Variants in ITGB6 observed in about 807,000 individuals in gnomAD.
ITGB6 encodes the protein integrin subunit beta 6, also known as integrin beta-6.
A neutral mutation model predicts 84.5 loss-of-function variants in ITGB6; 80 were observed. The observed-to-expected ratio is 0.95, with a 90% CI of 0.79 to 1.14. The LOEUF (loss-of-function observed/expected upper bound fraction) is 1.14, where lower values mean the gene tolerates loss of function less well. Among genes scored for constraint, ITGB6 ranks in the 50% most tolerant of loss-of-function variants. The probability of loss-of-function intolerance (pLI) is 0.00; values close to 1 mark genes in which losing one functional copy is unlikely to be tolerated. For synonymous variants in ITGB6, 383 were observed against 354.9 expected (o/e 1.08, Z -0.89); for missense variants, 1,006 against 968.0 (o/e 1.04, Z -0.52).
chr2:160,126,296 G>A (rs1301217003), intron 11 of ITGB6, 83 bp downstream of exon 11: 1 of 1,266,228 alleles, frequency 7.9e-7, no homozygotes, highest in Non-Finnish European at 1.1e-6. Context: ...TACAATCTGA[G>A]GTCTGAGTTT....
At chr2:160,109,259 A>G (rs1436239836) in intron 13 of ITGB6, among the ~76,000 whole-genome samples, 4 of 152,222 alleles carry the variant, frequency 2.6e-5, no homozygotes, top group Non-Finnish European at 5.9e-5. Context: ...AGCTAATGAC[A>G]TAGCTATTAC....
intron 7 of ITGB6, among the ~76,000 whole-genome samples, chr2:160,152,015 G>C (rs13407802): frequency 0.1 from 15,938 of 152,102 alleles, 1,448 homozygotes; most frequent in East Asian, 0.29. Context: ...TTCTAACAGA[G>C]ATACAAGGAG....
chr2:160,160,150 G>A (rs1684764396), intron 7 of ITGB6, among the ~76,000 whole-genome samples: 1 of 152,190 alleles, frequency 6.6e-6, no homozygotes, highest in East Asian at 1.9e-4. Context: ...TACAATGAGA[G>A]TTGAATAATC....
At chr2:160,158,168 A>G (rs1434068898) in intron 7 of ITGB6, among the ~76,000 whole-genome samples, 1 of 152,214 alleles carries the variant, frequency 6.6e-6, no homozygotes, top group Non-Finnish European at 1.5e-5. Flanking sequence ...ATAGGCAGGC[A>G]GGTAGTGATG....
At chr2:160,118,056 T>A (rs1424859432) in intron 12 of ITGB6, among the ~76,000 whole-genome samples, 1 of 152,206 alleles carries the variant, frequency 6.6e-6, no homozygotes, top group East Asian at 1.9e-4. Context: ...CAGGACCAGA[T>A]GGATTCACAG....
intron 10 of ITGB6, among the ~76,000 whole-genome samples, chr2:160,134,793 A>C (rs1683635348): frequency 6.6e-6 from 1 of 152,256 alleles, no homozygotes; most frequent in Non-Finnish European, 1.5e-5. Flanking sequence ...AAACAGAACC[A>C]ATGGCAAAAC....
At position 160,126,264 on chromosome 2, in the gene ITGB6, G is replaced by A. The variant is rs1318730733; in HGVS notation, c.1883+115C>T. ...TGGGTTTGTGTGTGTTTTGATGGAT[G>A]TTTGGAGACCAAACCAGCAAATACA... On this transcript the variant is annotated intron_variant, in intron 11 of 14. Transcript: ENST00000283249. 4.4e-6 allele frequency: 4 copies of A among 915,716 alleles called. No homozygotes were observed. The East Asian group carries it at 1.0e-4, about 24-fold the overall frequency. 56.7% of individuals were successfully genotyped at this position (915,716 alleles called of 1,614,324 possible). A position where few individuals can be genotyped will look rare whatever the true frequency, so the allele number is the denominator to read the frequency against.
At chr2:160,103,266 C>T (rs547646514) in intron 14 of ITGB6, among the ~76,000 whole-genome samples, 2 of 152,304 alleles carry the variant, frequency 1.3e-5, no homozygotes, top group South Asian at 4.1e-4. Flanking sequence ...AAACACTCCC[C>T]GGTCTTTCCC....
At chr2:160,119,622 T>C (rs1329068663) in intron 12 of ITGB6, among the ~76,000 whole-genome samples, 1 of 151,998 alleles carries the variant, frequency 6.6e-6, no homozygotes, top group African/African-American at 2.4e-5. Context: ...ACTTCATGTC[T>C]AAAACACCAA....
chr2:160,199,279 A>G, intron 1 of ITGB6, 21 bp from the exon 2 acceptor site: 2 of 1,588,796 alleles, frequency 1.3e-6, no homozygotes, highest in Middle Eastern at 3.3e-4. Flanking sequence ...ACCCAGCAAG[A>G]TGCAGGGATT....
intron 13 of ITGB6, among the ~76,000 whole-genome samples, chr2:160,111,492 G>T (rs1034695408): frequency 2.6e-5 from 4 of 151,864 alleles, no homozygotes; most frequent in Admixed American, 6.6e-5. Context: ...TTTTTCCAGA[G>T]CAAGACTCCA....
intron 4 of ITGB6, among the ~76,000 whole-genome samples, chr2:160,179,567 A>C (rs911889944): frequency 7.7e-6 from 1 of 129,178 alleles, no homozygotes; most frequent in Admixed American, 7.8e-5. Flanking sequence ...TTTTTTTGGT[A>C]TTTTTAGTTG....
intron 4 of ITGB6, among the ~76,000 whole-genome samples, chr2:160,178,404 G>A (rs1559205371): frequency 6.6e-6 from 1 of 152,180 alleles, no homozygotes; most frequent in Non-Finnish European, 1.5e-5. Context: ...AATGACATTT[G>A]AGCATCTTCC....
intron 12 of ITGB6, among the ~76,000 whole-genome samples, chr2:160,120,327 C>T (rs1304204747): frequency 9.5e-6 from 1 of 104,854 alleles, no homozygotes; most frequent in Non-Finnish European, 2.0e-5. Context: ...CCATGGAATA[C>T]TATGCAGCCA....
chr2:160,131,692 C>T (rs1039076525), intron 10 of ITGB6, among the ~76,000 whole-genome samples: 1 of 152,138 alleles, frequency 6.6e-6, no homozygotes, highest in African/African-American at 2.4e-5. Context: ...ACCAAAATAG[C>T]TTTTGAGAAA....
intron 7 of ITGB6, among the ~76,000 whole-genome samples, chr2:160,149,153 T>C: frequency 6.6e-6 from 1 of 152,212 alleles, no homozygotes; most frequent in East Asian, 1.9e-4. Context: ...CTCAAGTGGG[T>C]CCCTGATCCC....
rs1434961520 is a variant in ITGB6, at chr2:160,121,185, AAAAC to A, written c.1981+2602_1981+2605del. Among the ~76,000 whole-genome samples, 9 of 152,360 alleles carry A rather than the reference AAAAC, an allele frequency of 5.9e-5. No homozygotes were observed. The South Asian group carries it at 8.3e-4, about 14-fold the overall frequency. On this transcript the variant is annotated intron_variant, in intron 12 of 14. Transcript: ENST00000283249. ...AGCAGTTTTCAAAAAAACAAAAACG[AAAAC>A]AAACAAACAACAATGTTTCCCAAGG...
chr2:160,160,673 C>T (rs924814342), intron 7 of ITGB6, among the ~76,000 whole-genome samples: 3 of 152,068 alleles, frequency 2.0e-5, no homozygotes, highest in African/African-American at 4.8e-5. Flanking sequence ...CCTTTTGTGC[C>T]TTGATGCCAT....
At chr2:160,186,357 A>C (rs566066573) in intron 4 of ITGB6, among the ~76,000 whole-genome samples, 1 of 152,204 alleles carries the variant, frequency 6.6e-6, no homozygotes, top group Non-Finnish European at 1.5e-5. Context: ...CAAGAAACAT[A>C]TGAAAAAAAG....
Sources: gnomAD v4.1 joint callset for allele counts (sites outside exome capture counted in the v4.1 genomes callset) on GRCh38, gnomAD v4.1.1 for gene constraint, MANE v1.5 for transcripts, NCBI Gene and HGNC (gene_info 2026-07-23, HGNC 2026-07-21) for gene names.